Variants in P2RX4 observed in about 807,000 individuals in gnomAD.
P2RX4 encodes purinergic receptor P2X 4, also known as P2X purinoceptor 4.
P2RX4 carries 37 observed loss-of-function variants against 48.0 expected under a neutral mutation model. The observed-to-expected ratio is 0.77, with a 90% CI of 0.59 to 1.01. P2RX4 has a LOEUF of 1.01. P2RX4 is among the 50% of genes least tolerant of loss of function. P2RX4 has a pLI of 0.00. For missense variants in P2RX4, 501 were observed against 521.4 expected, an observed-to-expected ratio of 0.96 and a Z score of 0.38; for synonymous variants, 200 against 199.7, an observed-to-expected ratio of 1.00 and a Z score of -0.01.
At chr12:121,215,333 G>A (rs938201051) in intron 1 of P2RX4, 1 of 152,118 alleles carries the variant, frequency 6.6e-6, no homozygotes, top group Non-Finnish European at 1.5e-5. Context: ...GCACAATGAG[G>A]TTAAGCACCT....
intron 5 of P2RX4, among the ~76,000 whole-genome samples, chr12:121,226,206 G>T (rs191801014): frequency 1.2e-3 from 190 of 152,188 alleles, no homozygotes; most frequent in African/African-American, 4.5e-3. Flanking sequence ...CACTGTTGCA[G>T]ATCTAATGCG....
chr12:121,232,714 G>A lies in P2RX4; in HGVS notation c.1044+38G>A. Reference sequence around the variant, plus strand: ...GGCCCTGCCTTCACCCTCACGGTGAGGTGAGACCCTGGGCTGGGGTCCTGG... The same window carrying A: ...GGCCCTGCCTTCACCCTCACGGTGAAGTGAGACCCTGGGCTGGGGTCCTGG... On this transcript the variant is annotated intron_variant, in intron 10 of 11. Coordinates refer to ENST00000337233, the MANE Select transcript of P2RX4 (RefSeq NM_002560.3). The surrounding 1 kb of genome is among the most constrained non-coding windows in gnomAD (Gnocchi z 4.3). The A allele has an allele frequency of 6.5e-7, 1 of 1,537,712 alleles. No homozygotes were observed. The highest frequency in any genetic ancestry group is 9.0e-7 in the Non-Finnish European group (1 of 1,110,516).
chr12:121,228,861 G>T lies in P2RX4; in HGVS notation c.742G>T (p.Val248Leu). The T allele has an allele frequency of 6.2e-7, 1 of 1,614,126 alleles. No individual in the cohort carries two copies. Among genetic ancestry groups the T allele is most frequent in the Non-Finnish European group, 8.5e-7 (1 of 1,180,024 alleles). Residue 248 changes from valine to leucine, a missense_variant, in exon 7 of 12, where the codon GTG becomes TTG. This residue lies in a region of P2RX4 where 197 missense variants were observed against 219.5 expected (regional missense o/e 0.90). Transcript: ENST00000337233. ...NAGHSFQDMA[V>L]EGGIMGIQVN... is the part of the protein sequence containing the mutation. Reference sequence around the variant, plus strand: ...AGGACACAGTTTCCAGGACATGGCCGTGGAGGTGGGTGCGGGCCCTGGCTC... The same window carrying T: ...AGGACACAGTTTCCAGGACATGGCCTTGGAGGTGGGTGCGGGCCCTGGCTC...
chr12:121,211,811 A>C (rs1885876969), intron 1 of P2RX4, among the ~76,000 whole-genome samples: 1 of 152,126 alleles, frequency 6.6e-6, no homozygotes, highest in Non-Finnish European at 1.5e-5. Context: ...AGTAGCTGGG[A>C]TTACAGGCAC....
At chr12:121,217,019 A>G in intron 1 of P2RX4, 115 bp from the exon 2 acceptor site, 1 of 1,055,596 alleles carries the variant, frequency 9.5e-7, no homozygotes. Context: ...AGCTTGTAGA[A>G]AGTCATGTAA....
chr12:121,212,822 A>ATTTTTT (rs1358375217), intron 1 of P2RX4: 2,007 of 42,644 alleles, frequency 0.047, 82 homozygotes, highest in Non-Finnish European at 0.06. Flanking sequence ...ATATATATAT[A>ATTTTTT]TATTTTTTTT....
rs373554619 is a variant in P2RX4 at position 121,228,515 on chromosome 12, G to A, written c.525-18G>A. 33 of 1,561,806 alleles carry A rather than the reference G, an allele frequency of 2.1e-5. No individual in the cohort carries two copies. The highest frequency in any genetic ancestry group is 2.7e-5 in the Non-Finnish European group (31 of 1,135,944). ...TTGTATGTATTTTATTAACAGTAAT[G>A]TTATCATTGTTTTTCAGACCTGCTT... On this transcript the variant is annotated intron_variant, in intron 5 of 11. Coordinates refer to ENST00000337233, the MANE Select transcript of P2RX4 (RefSeq NM_002560.3).
chr12:121,221,931 G>A lies in P2RX4; in HGVS notation c.301G>A (p.Val101Ile), dbSNP rs375456486. 327 of 1,614,028 alleles carry A rather than the reference G, an allele frequency of 2.0e-4. No individual in the cohort carries two copies. The highest frequency in any genetic ancestry group is 3.2e-4 in the African/African-American group (24 of 74,918). Residue 101 changes from valine to isoleucine, a missense_variant, in exon 3 of 12, where the codon GTC (valine) becomes ATC (isoleucine). By Grantham distance (29) the Val-to-Ile change is conservative (BLOSUM62 3). Transcript: ENST00000337233. ...TCTGCAGGAGGAAAACTCCCTCTTC[G>A]TCATGACCAACGTGATCCTCACCAT... ...IPAQEENSLF[V>I]MTNVILTMNQ...
chr12:121,216,885 T>C (rs1565999816), intron 1 of P2RX4: 1 of 696,838 alleles, frequency 1.4e-6, no homozygotes, highest in Non-Finnish European at 2.6e-6. Context: ...GTTTTCTCTG[T>C]GCCATCAGTG....
intron 5 of P2RX4, among the ~76,000 whole-genome samples, chr12:121,225,862 T>C (rs1053239117): frequency 5.3e-5 from 8 of 152,118 alleles, no homozygotes; most frequent in African/African-American, 1.9e-4. Flanking sequence ...TAAGTTGGAG[T>C]GTGGCTTGTA....
At chr12:121,227,367 C>A (rs1887038888) in intron 5 of P2RX4, among the ~76,000 whole-genome samples, 1 of 152,236 alleles carries the variant, frequency 6.6e-6, no homozygotes, top group South Asian at 2.1e-4. Context: ...GGGACAGATT[C>A]AACTTGTATT....
At position 121,232,392 on chromosome 12, in the gene P2RX4, G is replaced by A. The variant is rs772079465; in HGVS notation, c.885-22G>A. The A allele has an allele frequency of 6.6e-7, 1 of 1,522,856 alleles. No individual in the cohort carries two copies. The highest frequency in any genetic ancestry group is 1.1e-5 in the South Asian group (1 of 88,546). The allele number at this position is 1,522,856 out of a possible 1,614,324, so 94.3% of individuals were successfully genotyped here. A position where few individuals can be genotyped will look rare whatever the true frequency, so the allele number is the denominator to read the frequency against. ...GGTCCTGCCCCAGCCATCTCCCCCT[G>A]ATCCATCCTCCTTCCCCTCAGGTTT... On this transcript the variant is annotated intron_variant, in intron 8 of 11. Coordinates refer to ENST00000337233, the MANE Select transcript of P2RX4 (RefSeq NM_002560.3). The surrounding 1 kb of genome is among the most constrained non-coding windows in gnomAD (Gnocchi z 4.3).
chr12:121,212,664 C>G (rs1381113639), intron 1 of P2RX4, among the ~76,000 whole-genome samples: 2 of 149,198 alleles, frequency 1.3e-5, no homozygotes. Flanking sequence ...TGGCTAATGC[C>G]TGTAATCCCG....
At position 121,228,825 on chromosome 12, in the gene P2RX4, G is replaced by C. The variant is rs1289192635; in HGVS notation, c.706G>C (p.Val236Leu). ...CCCCATATTCCGTCTTGGCAAAATA[G>C]TGGAGAACGCAGGACACAGTTTCCA... The part of the protein sequence containing the change: ...FCPIFRLGKI[V>L]ENAGHSFQDM... The change falls in exon 7 of 12, where the codon GTG becomes CTG. Residue 236 changes from valine (V) to leucine (L), a missense_variant. Coordinates refer to ENST00000337233, the MANE Select transcript of P2RX4 (RefSeq NM_002560.3). The C allele has an allele frequency of 6.2e-7, 1 of 1,614,188 alleles. No homozygotes were observed. Among genetic ancestry groups the C allele is most frequent in the Admixed American group, 1.7e-5 (1 of 60,018 alleles).
chr12:121,228,384 A>AT (rs1887113957), intron 5 of P2RX4, 149 bp from the exon 6 acceptor site: 11 of 165,716 alleles, frequency 6.6e-5, no homozygotes, highest in South Asian at 2.4e-4. Flanking sequence ...AAAAAAAAAA[A>AT]AATATATATA....
chr12:121,222,753 G>A, intron 4 of P2RX4, 194 bp from the exon 5 acceptor site: 1 of 1,519,252 alleles, frequency 6.6e-7, no homozygotes, highest in Non-Finnish European at 8.8e-7. Flanking sequence ...TGGCTGAGAT[G>A]TGGCTGGCAC....
Position 121,233,683 on chromosome 12 carries a change from T to C in P2RX4, c.*134T>C. 6.5e-7 allele frequency: 1 copy of C among 1,533,638 alleles called. No individual in the cohort carries two copies. On this transcript the variant is annotated 3_prime_UTR_variant, in exon 12 of 12. Transcript: ENST00000337233. Reference sequence around the variant, plus strand: ...GTCTCCACTCCACAAGCACTCAGGGTTCCCCAGCAGCTCCTGTGTGTTGTG... The same window carrying C: ...GTCTCCACTCCACAAGCACTCAGGGCTCCCCAGCAGCTCCTGTGTGTTGTG...
At position 121,233,554 on chromosome 12, in the gene P2RX4, T is replaced by C; in HGVS notation, c.*5T>C. 1 of 1,608,542 alleles carries C rather than the reference T, an allele frequency of 6.2e-7. No individual in the cohort carries two copies. Among genetic ancestry groups the C allele is most frequent in the Non-Finnish European group, 8.5e-7 (1 of 1,177,254 alleles). On this transcript the variant is annotated 3_prime_UTR_variant, in exon 12 of 12. Transcript: ENST00000337233. ...GCTAGTGAGCTGGACCAGTGAGGCC[T>C]ACCCCACACCTGGGCTCTCCACAGC...
intron 4 of P2RX4, chr12:121,222,466 G>A (rs1886696730): frequency 8.4e-6 from 4 of 473,894 alleles, no homozygotes; most frequent in South Asian, 8.4e-5. Context: ...AAACTGGAGT[G>A]CAATGGCATG....
Sources: allele counts gnomAD v4.1 joint callset (sites outside exome capture counted in the v4.1 genomes callset), GRCh38; gene constraint gnomAD v4.1.1; regional missense constraint gnomAD v4.1.1; non-coding constraint Gnocchi (gnomAD v3.1); transcripts MANE v1.5; gene names NCBI Gene and HGNC (gene_info 2026-07-23, HGNC 2026-07-21).